Variants in ZNF892 observed in about 807,000 individuals in gnomAD.
The protein encoded by ZNF892 is zinc finger protein 892.
At chr2:95,223,555 C>A in the ZNF892 span, among the ~76,000 whole-genome samples, 1 of 152,074 alleles carries the variant, frequency 6.6e-6, no homozygotes, top group East Asian at 1.9e-4. Flanking sequence ...TGCACCACCA[C>A]ACCCAGCTAA....
the ZNF892 span, among the ~76,000 whole-genome samples, chr2:95,240,065 C>T: frequency 6.6e-6 from 1 of 151,930 alleles, no homozygotes; most frequent in South Asian, 2.1e-4. Flanking sequence ...AGAAACAAAT[C>T]CTTTAAGATC....
chr2:95,231,458 G>T, the ZNF892 span, among the ~76,000 whole-genome samples: 1 of 152,160 alleles, frequency 6.6e-6, no homozygotes, highest in Non-Finnish European at 1.5e-5. Context: ...CCTGATTGGG[G>T]TGTGCATACA....
At chr2:95,233,672 CAAAAA>C in the ZNF892 span, among the ~76,000 whole-genome samples, 5 of 35,172 alleles carry the variant, frequency 1.4e-4, no homozygotes, top group South Asian at 2.9e-3. Context: ...GACTCCATCT[CAAAAA>C]AAAAAAAAAA....
chr2:95,243,529 C>T, the ZNF892 span, among the ~76,000 whole-genome samples: 1 of 151,874 alleles, frequency 6.6e-6, no homozygotes, highest in African/African-American at 2.4e-5. Context: ...AGGAGCGTCT[C>T]TGCCCGGCCG....
At chr2:95,219,967 G>A in the ZNF892 span, among the ~76,000 whole-genome samples, 1 of 152,286 alleles carries the variant, frequency 6.6e-6, no homozygotes, top group African/African-American at 2.4e-5. Context: ...GTGGGGTTGA[G>A]GGTAACATCA....
the ZNF892 span, among the ~76,000 whole-genome samples, chr2:95,238,182 G>T: frequency 6.6e-6 from 1 of 152,240 alleles, no homozygotes; most frequent in African/African-American, 2.4e-5. Context: ...AGAAGTCAAT[G>T]TGTGGCTTCA....
At chr2:95,245,450 CGG>C in the ZNF892 span, among the ~76,000 whole-genome samples, 6 of 11,678 alleles carry the variant, frequency 5.1e-4, no homozygotes, top group Non-Finnish European at 7.4e-4. Context: ...GTAGAGACGG[CGG>C]GGGGGGGGGG....
chr2:95,245,584 G>GA, the ZNF892 span, among the ~76,000 whole-genome samples: 11,911 of 126,006 alleles, frequency 0.095, 616 homozygotes, highest in African/African-American at 0.11. Context: ...CTGGTTTTTT[G>GA]AAAAAAAAAA....
the ZNF892 span, among the ~76,000 whole-genome samples, chr2:95,220,341 C>T: frequency 2.7e-5 from 4 of 145,470 alleles, no homozygotes; most frequent in East Asian, 2.0e-4. Flanking sequence ...GCAGATTTTT[C>T]TTGGGGCTTT....
the ZNF892 span, among the ~76,000 whole-genome samples, chr2:95,230,610 G>C: frequency 4.6e-5 from 7 of 152,134 alleles, no homozygotes; most frequent in African/African-American, 1.4e-4. Flanking sequence ...ATGGTGAGAC[G>C]GGAAGTGGCA....
chr2:95,208,930 C>G, the ZNF892 span, among the ~76,000 whole-genome samples: 1 of 152,166 alleles, frequency 6.6e-6, no homozygotes, highest in Non-Finnish European at 1.5e-5. Flanking sequence ...TTCTCTCTGC[C>G]CACTGAGTGT....
At chr2:95,245,457 G>C in the ZNF892 span, among the ~76,000 whole-genome samples, 2 of 109,618 alleles carry the variant, frequency 1.8e-5, no homozygotes, top group East Asian at 2.3e-4. Flanking sequence ...CGGCGGGGGG[G>C]GGGGGGTTTC....
the ZNF892 span, among the ~76,000 whole-genome samples, chr2:95,242,813 GTCCCTC>G: frequency 2.3e-4 from 35 of 152,038 alleles, no homozygotes; most frequent in African/African-American, 7.5e-4. Context: ...CAAACCTGGA[GTCCCTC>G]TCCCTCTCCC....
the ZNF892 span, chr2:95,214,900 G>C: frequency 4.0e-6 from 2 of 504,422 alleles, no homozygotes; most frequent in South Asian, 5.0e-5. Flanking sequence ...TTCAGTCACC[G>C]CTCAGCCCTT....
At chr2:95,258,357 G>A in the ZNF892 span, among the ~76,000 whole-genome samples, 1 of 152,202 alleles carries the variant, frequency 6.6e-6, no homozygotes, top group Non-Finnish European at 1.5e-5. Flanking sequence ...GGAGTTGGAT[G>A]GCACAATCTA....
chr2:95,225,578 A>C, the ZNF892 span, among the ~76,000 whole-genome samples: 3 of 152,234 alleles, frequency 2.0e-5, no homozygotes, highest in African/African-American at 7.2e-5. Context: ...CCGGCAATTA[A>C]ATTTCAACAT....
At chr2:95,235,652 C>T in the ZNF892 span, among the ~76,000 whole-genome samples, 1 of 152,204 alleles carries the variant, frequency 6.6e-6, no homozygotes, top group African/African-American at 2.4e-5. Flanking sequence ...TGAGCCACCA[C>T]GCCCGGCCCC....
chr2:95,224,918 A>T, the ZNF892 span, among the ~76,000 whole-genome samples: 1 of 152,178 alleles, frequency 6.6e-6, no homozygotes, highest in African/African-American at 2.4e-5. Context: ...TTGCTCCTCT[A>T]TTGCCCTCTC....
the ZNF892 span, among the ~76,000 whole-genome samples, chr2:95,227,841 C>T: frequency 6.6e-6 from 1 of 151,876 alleles, no homozygotes; most frequent in Non-Finnish European, 1.5e-5. Context: ...TGGTCTCAAA[C>T]TCCTAGGCTC....
Sources: gnomAD v4.1 joint callset for allele counts (sites outside exome capture counted in the v4.1 genomes callset) on GRCh38, gnomAD v4.1.1 for gene constraint, MANE v1.5 for transcripts, NCBI Gene and HGNC (gene_info 2026-07-23, HGNC 2026-07-21) for gene names.